The following IGSF9B variants were observed in gnomAD, a reference collection of about 807,000 sequenced individuals.
IGSF9B encodes protein turtle homolog B.
A neutral mutation model predicts 143.7 loss-of-function variants in IGSF9B; 48 were observed. The ratio of observed to expected loss-of-function variants is 0.33; its 90% CI spans 0.26 to 0.42. The LOEUF (loss-of-function observed/expected upper bound fraction) is 0.42, where lower values mean the gene tolerates loss of function less well. Among genes scored for constraint, IGSF9B ranks in the 20% least tolerant of loss-of-function variants. IGSF9B has a pLI of 1.00. For missense variants in IGSF9B, 1,706 were observed against 1,980.0 expected, an observed-to-expected ratio of 0.86 and a Z score of 2.63; for synonymous variants, 903 against 833.1, an observed-to-expected ratio of 1.08 and a Z score of -1.44.
rs888889796 is a variant in IGSF9B at position 133,909,980 on chromosome 11, C to T, written c.4106-703G>A. On this transcript the variant is annotated intron_variant, in intron 19 of 19. Coordinates refer to ENST00000533871, the MANE Select transcript of IGSF9B (RefSeq NM_001277285.4). The surrounding 1 kb of genome is among the most constrained non-coding windows in gnomAD (Gnocchi z 4.2). ...CTTAAATTATGAGCCTTCCACAGAT[C>T]TGAAGAAAAATTATTCCCAACAGAA... Among the ~76,000 whole-genome samples, 1 of 152,218 alleles carries T rather than the reference C, an allele frequency of 6.6e-6. No homozygotes were observed. The highest frequency in any genetic ancestry group is 2.4e-5 in the African/African-American group (1 of 41,442).
chr11:133,920,314 A>T lies in IGSF9B; in HGVS notation c.3411T>A (p.His1137Gln), dbSNP rs1939498857. Residue 1137 changes from histidine (H) to glutamine (Q), a missense_variant, in exon 18 of 20, where the codon CAT becomes CAA. Coordinates refer to ENST00000533871, the MANE Select transcript of IGSF9B (RefSeq NM_001277285.4). ...QPLVSQGQLRHTSQGMGIPVL... is the reference protein window; with the variant it reads ...QPLVSQGQLRQTSQGMGIPVL... The stretch of plus-strand genomic sequence containing the variant: ...CAGGTATGCCCATGCCTTGGCTTGT[A>T]TGTCGCAGCTGCCCTTGGCTTACCA... 6.4e-7 allele frequency: 1 copy of T among 1,573,830 alleles called. No individual in the cohort carries two copies. The highest frequency in any genetic ancestry group is 1.2e-5 in the South Asian group (1 of 86,478).
Position 133,904,377 on chromosome 11 carries a change from T to C in IGSF9B, c.*4692A>G, listed in dbSNP as rs1023219805. On this transcript the variant is annotated 3_prime_UTR_variant, in exon 20 of 20. Coordinates refer to ENST00000533871, the MANE Select transcript of IGSF9B (RefSeq NM_001277285.4). Reference sequence around the variant, plus strand: ...GGGCCTGAGGAGCCCCCAAAACAAATGAAGTTGAAATACAATATAAAGAAG... The same window carrying C: ...GGGCCTGAGGAGCCCCCAAAACAAACGAAGTTGAAATACAATATAAAGAAG... Among the ~76,000 whole-genome samples, 1 of 152,134 alleles carries C rather than the reference T, an allele frequency of 6.6e-6. No homozygotes were observed. Among genetic ancestry groups the C allele is most frequent in the Non-Finnish European group, 1.5e-5 (1 of 68,020 alleles).
chr11:133,934,934 A>G (rs965197049), intron 7 of IGSF9B, among the ~76,000 whole-genome samples: 1 of 152,238 alleles, frequency 6.6e-6, no homozygotes, highest in African/African-American at 2.4e-5. Context: ...ATCAAAAGGA[A>G]GATATTACTC....
At position 133,937,497 on chromosome 11, in the gene IGSF9B, G is replaced by A; in HGVS notation, c.562-4C>T. 5.6e-6 allele frequency: 9 copies of A among 1,612,066 alleles called. No homozygotes were observed. The highest frequency in any genetic ancestry group is 7.6e-6 in the Non-Finnish European group (9 of 1,178,656). ...CTGTCAGGCTGCCGTCACTCACCTG[G>A]GAGCCCAAAACAGAGGGAGCTCAGC... On this transcript the variant is annotated splice_region_variant and splice_polypyrimidine_tract_variant and intron_variant, in intron 4 of 19. Coordinates refer to ENST00000533871, the MANE Select transcript of IGSF9B (RefSeq NM_001277285.4).
intron 3 of IGSF9B, among the ~76,000 whole-genome samples, chr11:133,942,359 G>C (rs1209496072): frequency 6.6e-6 from 1 of 152,118 alleles, no homozygotes; most frequent in Non-Finnish European, 1.5e-5. Flanking sequence ...GTACACAGTG[G>C]GTTTATGAAA....
rs1939326770 is a variant in IGSF9B, at chr11:133,913,172, C to G, written c.3984-1165G>C. Among the ~76,000 whole-genome samples the G allele has an allele frequency of 6.6e-6, 1 of 152,192 alleles. No homozygotes were observed. The highest frequency in any genetic ancestry group is 2.1e-4 in the South Asian group (1 of 4,818). ...AGGGACGCTCTGGGGCCACGGCGGACAGGCGTGCCTCGCTCTTCTTCTCCT... is the reference window on the plus strand; with the variant it reads ...AGGGACGCTCTGGGGCCACGGCGGAGAGGCGTGCCTCGCTCTTCTTCTCCT... On this transcript the variant is annotated intron_variant, in intron 18 of 19. Transcript: ENST00000533871. The surrounding 1 kb of genome is among the most constrained non-coding windows in gnomAD (Gnocchi z 4.6).
Position 133,935,630 on chromosome 11 carries a change from G to C in IGSF9B, c.954C>G (p.Tyr318Ter). 6.2e-7 allele frequency: 1 copy of C among 1,610,454 alleles called. No individual in the cohort carries two copies. The highest frequency in any genetic ancestry group is 8.5e-7 in the Non-Finnish European group (1 of 1,178,750). ...SLGRSPSASA[Y>*]LTVQYPARVL... ...ACCCCTACTCACACTGCACGGTCAG[G>C]TACGCCGAGGCGGAGGGGGAGCGCC... The change falls in exon 7 of 20, where the codon TAC becomes TAG. Residue 318 changes from tyrosine (Y) to a stop codon, truncating the protein, a stop_gained. Coordinates refer to ENST00000533871, the MANE Select transcript of IGSF9B (RefSeq NM_001277285.4). LOFTEE classifies it high-confidence loss of function.
chr11:133,916,505 C>A (rs550762122), intron 18 of IGSF9B, among the ~76,000 whole-genome samples: 1 of 152,294 alleles, frequency 6.6e-6, no homozygotes, highest in Admixed American at 6.5e-5. Flanking sequence ...TCCCAGCAGG[C>A]AGGAGAGGCC....
Position 133,920,970 on chromosome 11 carries a change from G to T in IGSF9B, c.2755C>A (p.Gln919Lys), listed in dbSNP as rs746671161. The change falls in exon 18 of 20, where the codon CAG (glutamine) becomes AAG (lysine). Residue 919 changes from glutamine to lysine, a missense_variant. By Grantham distance (53) the Gln-to-Lys change is moderately conservative. Transcript: ENST00000533871. ...KSQLTPLSSSQESYLPPPAYS... is the reference protein window; with the variant it reads ...KSQLTPLSSSKESYLPPPAYS... Reference sequence around the variant, plus strand: ...GCTGGTGGTGGCAGGTAGGACTCCTGGCTGGATGACAGAGGGGTGAGCTGG... The same window carrying T: ...GCTGGTGGTGGCAGGTAGGACTCCTTGCTGGATGACAGAGGGGTGAGCTGG... The T allele has an allele frequency of 4.3e-6, 7 of 1,610,768 alleles. No individual in the cohort carries two copies. The highest frequency in any genetic ancestry group is 3.4e-6 in the Non-Finnish European group (4 of 1,178,136).
At chr11:133,910,221 A>C (rs1489173780) in intron 19 of IGSF9B, among the ~76,000 whole-genome samples, 1 of 152,188 alleles carries the variant, frequency 6.6e-6, no homozygotes, top group African/African-American at 2.4e-5. Flanking sequence ...ACACGCCTGC[A>C]CGTGTGTGTT....
intron 3 of IGSF9B, among the ~76,000 whole-genome samples, chr11:133,942,715 C>T (rs1224091540): frequency 6.6e-6 from 1 of 152,198 alleles, no homozygotes; most frequent in Non-Finnish European, 1.5e-5. Context: ...GATTTGCCTT[C>T]CTAATTACAC....
rs374911111 is a variant in IGSF9B at position 133,952,633 on chromosome 11, C to T, written c.64+4058G>A. The stretch of plus-strand genomic sequence containing the variant: ...AGGCATACATGCATGTGCATGCACA[C>T]GTATGGGCACATGTGCACACACATA... On this transcript the variant is annotated intron_variant, in intron 1 of 19. Coordinates refer to ENST00000533871, the MANE Select transcript of IGSF9B (RefSeq NM_001277285.4). Among the ~76,000 whole-genome samples, 19 of 151,096 alleles carry T rather than the reference C, an allele frequency of 1.3e-4. No individual in the cohort carries two copies. The East Asian group carries it at 2.3e-3, about 19-fold the overall frequency.
At position 133,909,108 on chromosome 11, in the gene IGSF9B, A is replaced by G; in HGVS notation, c.4275T>C (p.Ser1425=). ...LPEDQTAILN[S]VDHDDPGHAT... ...CATGTCCTGGGTCATCGTGGTCCAC[A>G]CTGTTGAGAATCGCTGTCTGGTCTT... is the stretch of plus-strand genomic sequence containing the variant. The change falls in exon 20 of 20, where the codon AGT becomes AGC. Residue 1425 remains serine (S), a synonymous_variant. Coordinates refer to ENST00000533871, the MANE Select transcript of IGSF9B (RefSeq NM_001277285.4). This position sits in a 1 kb window ranked among gnomAD's most constrained non-coding sequence, Gnocchi z 4.2. 6.5e-7 allele frequency: 1 copy of G among 1,535,906 alleles called. No homozygotes were observed. Among genetic ancestry groups the G allele is most frequent in the African/African-American group, 1.4e-5 (1 of 73,148 alleles).
chr11:133,947,378 C>A (rs952281190), intron 1 of IGSF9B, among the ~76,000 whole-genome samples: 1 of 152,236 alleles, frequency 6.6e-6, no homozygotes, highest in Admixed American at 6.5e-5. Context: ...CTACCCCCTA[C>A]TGCCAGTTGA....
At chr11:133,937,335 C>CG (rs777592156) in intron 5 of IGSF9B, 41 bp downstream of exon 5, 2 of 1,460,836 alleles carry the variant, frequency 1.4e-6, no homozygotes, top group African/African-American at 2.8e-5. Context: ...GACATCCCCG[C>CG]GGGAGCCCAG....
chr11:133,950,014 G>A (rs376011565), intron 1 of IGSF9B, among the ~76,000 whole-genome samples: 6 of 152,262 alleles, frequency 3.9e-5, no homozygotes, highest in African/African-American at 1.4e-4. Flanking sequence ...GGCAAGGAAA[G>A]ATAAGGCAGC....
intron 15 of IGSF9B, among the ~76,000 whole-genome samples, 160 bp from the exon 16 acceptor site, chr11:133,922,890 G>A (rs74846044): frequency 0.021 from 3,160 of 152,332 alleles, 83 homozygotes; most frequent in African/African-American, 0.063. Flanking sequence ...TTTGGATGGC[G>A]TCACGAAGAG....
intron 1 of IGSF9B, among the ~76,000 whole-genome samples, chr11:133,955,692 A>G (rs1827698668): frequency 6.6e-6 from 1 of 152,048 alleles, no homozygotes; most frequent in Non-Finnish European, 1.5e-5. Flanking sequence ...CCACTTCCAT[A>G]CAAGGGCCGA....
chr11:133,918,605 C>G lies in IGSF9B; in HGVS notation c.3983+1137G>C, dbSNP rs1267890058. On this transcript the variant is annotated intron_variant, in intron 18 of 19. Coordinates refer to ENST00000533871, the MANE Select transcript of IGSF9B (RefSeq NM_001277285.4). ...TTCCTCGGCCGGCCCCGGAGCAGCC[C>G]GCGGTGGGGCTGCGGGTGGGAGGTG... Among the ~76,000 whole-genome samples, 6 of 151,726 alleles carry G rather than the reference C, an allele frequency of 4.0e-5. No homozygotes were observed. The East Asian group carries it at 1.2e-3, about 30-fold the overall frequency.
Sources: gnomAD v4.1 joint callset for allele counts (sites outside exome capture counted in the v4.1 genomes callset) on GRCh38, gnomAD v4.1.1 for gene constraint, Gnocchi (gnomAD v3.1) non-coding constraint, MANE v1.5 for transcripts, NCBI Gene and HGNC (gene_info 2026-07-23, HGNC 2026-07-21) for gene names.